CSGALNACT1: variants seen among roughly 807,000 people sequenced by gnomAD.
The protein encoded by CSGALNACT1 is beta4GalNAcT-1.
In CSGALNACT1, 52 loss-of-function variants were observed where a neutral mutation model predicts 51.0. The ratio of observed to expected loss-of-function variants is 1.02; its 90% CI spans 0.82 to 1.29. The LOEUF is 1.29. CSGALNACT1 is among the 50% of genes most tolerant of loss of function. The probability of loss-of-function intolerance (pLI) is 0.00; values close to 1 mark genes in which losing one functional copy is unlikely to be tolerated. For synonymous variants in CSGALNACT1, 341 were observed against 254.4 expected, an observed-to-expected ratio of 1.34 and a Z score of -3.24; for missense variants, 935 against 679.2, an observed-to-expected ratio of 1.38 and a Z score of -4.19.
intron 3 of CSGALNACT1, among the ~76,000 whole-genome samples, chr8:19,583,904 G>C (rs2046104996): frequency 6.6e-6 from 1 of 152,178 alleles, no homozygotes; most frequent in South Asian, 2.1e-4. Context: ...AGAGAAGTCA[G>C]ACCAATGAGG....
chr8:19,733,396 T>G (rs2063793039), intron 1 of CSGALNACT1, among the ~76,000 whole-genome samples: 1 of 152,214 alleles, frequency 6.6e-6, no homozygotes, highest in Non-Finnish European at 1.5e-5. Flanking sequence ...GAGATTCCAT[T>G]ATTGCCTACT....
chr8:19,430,992 T>C (rs1188062038), intron 6 of CSGALNACT1, among the ~76,000 whole-genome samples: 1 of 152,192 alleles, frequency 6.6e-6, no homozygotes, highest in Non-Finnish European at 1.5e-5. Flanking sequence ...TTATTGCTCG[T>C]GTATAGAAAT....
intron 1 of CSGALNACT1, among the ~76,000 whole-genome samples, chr8:19,714,944 A>G (rs1223777033): frequency 6.6e-6 from 1 of 152,126 alleles, no homozygotes; most frequent in East Asian, 1.9e-4. Flanking sequence ...AGTGGGCCCC[A>G]GTGTCTGCTG....
intron 7 of CSGALNACT1, among the ~76,000 whole-genome samples, chr8:19,419,831 T>C (rs935973101): frequency 2.0e-5 from 3 of 152,262 alleles, no homozygotes; most frequent in African/African-American, 7.2e-5. Context: ...TCAAACCAGA[T>C]GGTGACGTGG....
At chr8:19,589,067 TC>T (rs1453011308) in intron 3 of CSGALNACT1, among the ~76,000 whole-genome samples, 6 of 152,164 alleles carry the variant, frequency 3.9e-5, no homozygotes, top group African/African-American at 1.4e-4. Context: ...ACAGCAAAGA[TC>T]GGCTGACTAT....
At chr8:19,455,124 G>A (rs191683100) in intron 5 of CSGALNACT1, among the ~76,000 whole-genome samples, 6 of 152,298 alleles carry the variant, frequency 3.9e-5, no homozygotes, top group Admixed American at 3.9e-4. Flanking sequence ...GAGACCTGGA[G>A]TGACTTTTTA....
chr8:19,480,131 A>T (rs1184803926), intron 4 of CSGALNACT1, among the ~76,000 whole-genome samples: 2 of 152,172 alleles, frequency 1.3e-5, no homozygotes, highest in Non-Finnish European at 2.9e-5. Flanking sequence ...CTTTTATTTG[A>T]AGTTCAGGGA....
chr8:19,710,335 C>G (rs2062427411), intron 1 of CSGALNACT1, among the ~76,000 whole-genome samples: 1 of 152,142 alleles, frequency 6.6e-6, no homozygotes. Context: ...TTGCTGCAGT[C>G]ATCTAGTTTG....
upstream of CSGALNACT1, among the ~76,000 whole-genome samples, chr8:19,687,075 G>T (rs1426831278): frequency 2.0e-5 from 3 of 152,098 alleles, no homozygotes; most frequent in South Asian, 2.1e-4. Context: ...TTGCGGTTTG[G>T]ATCTATTCAT....
At chr8:19,442,401 A>G (rs1437457754) in intron 5 of CSGALNACT1, among the ~76,000 whole-genome samples, 2 of 152,116 alleles carry the variant, frequency 1.3e-5, no homozygotes, top group Non-Finnish European at 2.9e-5. Flanking sequence ...AAAAAAATGA[A>G]GAGCTCATGT....
intron 3 of CSGALNACT1, among the ~76,000 whole-genome samples, chr8:19,515,986 C>G (rs953653695): frequency 1.1e-4 from 16 of 152,168 alleles, no homozygotes; most frequent in African/African-American, 3.9e-4. Context: ...ACATCTCAAG[C>G]ACACATGTGG....
intron 1 of CSGALNACT1, chr8:19,688,606 C>A (rs921464864): frequency 1.3e-5 from 2 of 152,264 alleles, no homozygotes; most frequent in Admixed American, 6.5e-5. Flanking sequence ...TGCATTGACT[C>A]CTTCCCTTCA....
At chr8:19,581,727 G>A (rs1420467390) in intron 3 of CSGALNACT1, among the ~76,000 whole-genome samples, 2 of 152,134 alleles carry the variant, frequency 1.3e-5, no homozygotes, top group Non-Finnish European at 2.9e-5. Context: ...CAGAGTATCA[G>A]CAACATATTA....
intron 2 of CSGALNACT1, among the ~76,000 whole-genome samples, chr8:19,595,129 T>A (rs2048626621): frequency 6.6e-6 from 1 of 152,186 alleles, no homozygotes; most frequent in Non-Finnish European, 1.5e-5. Flanking sequence ...GAATCCTAAA[T>A]AAAAATCGGC....
intron 4 of CSGALNACT1, among the ~76,000 whole-genome samples, chr8:19,474,869 G>GAAAAAA (rs10683237): frequency 4.6e-5 from 4 of 86,152 alleles, no homozygotes; most frequent in Admixed American, 1.7e-4. Context: ...CTCTGTCTCA[G>GAAAAAA]AAAAAAAAAA....
intron 1 of CSGALNACT1, among the ~76,000 whole-genome samples, chr8:19,746,713 A>G (rs1013747867): frequency 3.3e-5 from 5 of 152,260 alleles, no homozygotes; most frequent in Non-Finnish European, 7.3e-5. Context: ...TGACAAGATT[A>G]TTAAATGAAG....
chr8:19,712,336 C>T (rs1465981900), intron 1 of CSGALNACT1, among the ~76,000 whole-genome samples: 1 of 152,122 alleles, frequency 6.6e-6, no homozygotes, highest in Non-Finnish European at 1.5e-5. Context: ...GAACTCAGAG[C>T]TCTTCAACAC....
At position 19,505,432 on chromosome 8, in the gene CSGALNACT1, C is replaced by A. The variant is rs768382561; in HGVS notation, c.403G>T (p.Ala135Ser). Reference sequence around the variant, plus strand: ...TACTCTGTGGCCAGCTTGACGCCAGCATTCACCTCTGCCTTGTCCACCTGC... The same window carrying A: ...TACTCTGTGGCCAGCTTGACGCCAGAATTCACCTCTGCCTTGTCCACCTGC... The change falls in exon 4 of 10, where the codon GCT (alanine) becomes TCT (serine). Residue 135 changes from alanine (A) to serine (S), a missense_variant. Ala to Ser is a moderately conservative substitution (Grantham distance 99, BLOSUM62 1). Transcript: ENST00000454498. 5 of 1,614,210 alleles carry A rather than the reference C, an allele frequency of 3.1e-6. No individual in the cohort carries two copies. In the South Asian group the frequency reaches 5.5e-5, roughly 18 times the overall value.
intron 3 of CSGALNACT1, among the ~76,000 whole-genome samples, chr8:19,586,554 C>G (rs996823719): frequency 1.2e-4 from 18 of 152,138 alleles, no homozygotes; most frequent in African/African-American, 4.3e-4. Flanking sequence ...ATCAGAAACT[C>G]TGGGGATGGG....
Sources: gnomAD v4.1 joint callset for allele counts (sites outside exome capture counted in the v4.1 genomes callset) on GRCh38, gnomAD v4.1.1 for gene constraint, MANE v1.5 for transcripts, NCBI Gene and HGNC (gene_info 2026-07-23, HGNC 2026-07-21) for gene names.